Variants in RB1 observed in about 807,000 individuals in gnomAD.
RB1 encodes RB transcriptional corepressor 1.
A neutral mutation model predicts 135.4 loss-of-function variants in RB1; 18 were observed. That is an observed-to-expected ratio of 0.13 (90% CI 0.09 to 0.20). The LOEUF is 0.20. Among genes scored for constraint, RB1 ranks in the 10% least tolerant of loss-of-function variants. The probability of loss-of-function intolerance (pLI) is 1.00; values close to 1 mark genes in which losing one functional copy is unlikely to be tolerated. For synonymous variants in RB1, 365 were observed against 373.2 expected (o/e 0.98, Z 0.25); for missense variants, 868 against 1,110.0 (o/e 0.78, Z 3.10).
intron 17 of RB1, among the ~76,000 whole-genome samples, chr13:48,388,584 G>T (rs1281406798): frequency 6.6e-6 from 1 of 152,128 alleles, no homozygotes; most frequent in Non-Finnish European, 1.5e-5. Flanking sequence ...TTAATAACTT[G>T]CCCTAGACCA....
Position 48,473,317 on chromosome 13 carries a change from A to G in RB1, c.2490-43A>G, listed in dbSNP as rs113494949. 524 of 1,489,178 alleles carry G rather than the reference A, an allele frequency of 3.5e-4. 1 individual carries two copies. The highest frequency in any genetic ancestry group is 3.7e-4 in the Non-Finnish European group (395 of 1,069,850). The allele number at this position is 1,489,178 out of a possible 1,614,324, so 92.2% of individuals were successfully genotyped here. ...TATGCTCATCTCTGCAAAATTGTAT[A>G]TGGTTTTTTATTACTAATTGGTATT... is the stretch of plus-strand genomic sequence containing the variant. On this transcript the variant is annotated intron_variant, in intron 23 of 26. Coordinates refer to ENST00000267163, the MANE Select transcript of RB1 (RefSeq NM_000321.3).
At chr13:48,396,662 T>G (rs1482398742) in intron 17 of RB1, among the ~76,000 whole-genome samples, 1 of 152,116 alleles carries the variant, frequency 6.6e-6, no homozygotes, top group Non-Finnish European at 1.5e-5. Flanking sequence ...CTAATTAAAC[T>G]AAAGAGCTTC....
At chr13:48,371,528 G>C (rs542428423) in intron 11 of RB1, among the ~76,000 whole-genome samples, 1 of 152,276 alleles carries the variant, frequency 6.6e-6, no homozygotes, top group Admixed American at 6.5e-5. Context: ...TGGTGGGAAT[G>C]AAGGAACAAT....
intron 17 of RB1, chr13:48,413,130 G>C (rs116813803): frequency 6.0e-6 from 1 of 167,066 alleles, no homozygotes; most frequent in Non-Finnish European, 1.5e-5. Context: ...AAAAAGAAAG[G>C]CTTCCTAGAT....
intron 2 of RB1, chr13:48,320,310 C>G: frequency 8.1e-7 from 1 of 1,237,406 alleles, no homozygotes; most frequent in South Asian, 1.2e-5. Context: ...CCCCGCTGCG[C>G]TGCAGCGTGC....
chr13:48,368,437 GA>G, intron 10 of RB1, 89 bp from the exon 11 acceptor site: 1 of 1,522,062 alleles, frequency 6.6e-7, no homozygotes, highest in Non-Finnish European at 9.0e-7. Context: ...GATTTTATGA[GA>G]CAACAGAAGC....
At chr13:48,408,358 A>T (rs1273693088) in intron 17 of RB1, among the ~76,000 whole-genome samples, 1 of 152,050 alleles carries the variant, frequency 6.6e-6, no homozygotes, top group Non-Finnish European at 1.5e-5. Flanking sequence ...AATTATTAGG[A>T]TGCTGGAAAG....
In RB1 at chr13:48,319,896, A is replaced by G. The variant is rs1593422157; in HGVS notation, c.264+12490A>G. ...CCTCACTGGATCTCACCTGGCTGCC[A>G]GGGCCACCACCTGAGCCAGGTACAA... On this transcript the variant is annotated intron_variant, in intron 2 of 26. Transcript: ENST00000267163. The surrounding 1 kb of genome is among the most constrained non-coding windows in gnomAD (Gnocchi z 5.0). 3.0e-6 allele frequency: 1 copy of G among 332,230 alleles called. No individual in the cohort carries two copies. The highest frequency in any genetic ancestry group is 7.1e-5 in the East Asian group (1 of 14,082). 20.6% of individuals were successfully genotyped at this position (332,230 alleles called of 1,614,324 possible).
intron 13 of RB1, 116 bp from the exon 14 acceptor site, chr13:48,379,478 A>G (rs1181420332): frequency 8.3e-6 from 11 of 1,320,484 alleles, no homozygotes; most frequent in African/African-American, 1.5e-5. Context: ...TGAGCCCAGG[A>G]GTGTGAAGGC....
At chr13:48,472,833 T>C (rs1433071290) in intron 23 of RB1, among the ~76,000 whole-genome samples, 1 of 152,200 alleles carries the variant, frequency 6.6e-6, no homozygotes, top group Non-Finnish European at 1.5e-5. Flanking sequence ...AGGCTAATGA[T>C]GTTCTTCAGC....
chr13:48,347,817 C>A lies in RB1; in HGVS notation c.501-8C>A, dbSNP rs1952511460. 1 of 1,577,208 alleles carries A rather than the reference C, an allele frequency of 6.3e-7. No individual in the cohort carries two copies. The highest frequency in any genetic ancestry group is 8.7e-7 in the Non-Finnish European group (1 of 1,149,012). Reference sequence around the variant, plus strand: ...AATGTTAAAAAGTCATAATGTTTTTCTTTTCAGGACATGTGAACTTATATA... The same window carrying A: ...AATGTTAAAAAGTCATAATGTTTTTATTTTCAGGACATGTGAACTTATATA... On this transcript the variant is annotated splice_polypyrimidine_tract_variant and splice_region_variant and intron_variant, in intron 4 of 26. Transcript: ENST00000267163.
intron 24 of RB1, among the ~76,000 whole-genome samples, chr13:48,476,090 G>A (rs531325668): frequency 2.0e-5 from 3 of 152,236 alleles, no homozygotes; most frequent in African/African-American, 4.8e-5. Flanking sequence ...AACCTGTTTT[G>A]AATTTAATAT....
intron 2 of RB1, among the ~76,000 whole-genome samples, chr13:48,326,743 A>C (rs1220283089): frequency 6.6e-6 from 1 of 152,158 alleles, no homozygotes; most frequent in Admixed American, 6.5e-5. Context: ...TACCACCAAT[A>C]AAACGGTCTG....
intron 2 of RB1, among the ~76,000 whole-genome samples, chr13:48,336,945 TA>T (rs1417728654): frequency 6.6e-6 from 1 of 152,222 alleles, no homozygotes; most frequent in Non-Finnish European, 1.5e-5. Context: ...ATGTACCCAG[TA>T]GTCATTCAGG....
At chr13:48,354,834 A>G (rs1952576781) in intron 6 of RB1, among the ~76,000 whole-genome samples, 1 of 152,132 alleles carries the variant, frequency 6.6e-6, no homozygotes, top group Non-Finnish European at 1.5e-5. Flanking sequence ...AGTCTCTTCA[A>G]TAAATGGTGC....
chr13:48,445,693 T>C (rs1949281499), intron 17 of RB1, among the ~76,000 whole-genome samples: 1 of 152,170 alleles, frequency 6.6e-6, no homozygotes. Context: ...TGTTCTTTCA[T>C]AGGATTTTTC....
chr13:48,424,014 A>AAAT (rs1226688616), intron 17 of RB1: 1 of 152,684 alleles, frequency 6.5e-6, no homozygotes, highest in Admixed American at 6.5e-5. Flanking sequence ...TGCATGCAGC[A>AAAT]AATGTTTGCC....
chr13:48,464,319 G>C (rs755040993), intron 21 of RB1, among the ~76,000 whole-genome samples: 4 of 152,138 alleles, frequency 2.6e-5, no homozygotes, highest in Non-Finnish European at 5.9e-5. Context: ...TGGAAAGTGA[G>C]TTGAGGGGTA....
At chr13:48,437,121 A>G (rs1411864814) in intron 17 of RB1, among the ~76,000 whole-genome samples, 1 of 152,132 alleles carries the variant, frequency 6.6e-6, no homozygotes, top group Non-Finnish European at 1.5e-5. Context: ...TATCAATATT[A>G]TTTACCCAGT....
Sources: gnomAD v4.1 joint callset for allele counts (sites outside exome capture counted in the v4.1 genomes callset) on GRCh38, gnomAD v4.1.1 for gene constraint, Gnocchi (gnomAD v3.1) non-coding constraint, MANE v1.5 for transcripts, NCBI Gene and HGNC (gene_info 2026-07-23, HGNC 2026-07-21) for gene names.